The following NEMF variants were observed in gnomAD, a reference collection of about 807,000 sequenced individuals.
The protein encoded by NEMF is ribosome quality control complex subunit NEMF.
A neutral mutation model predicts 162.2 loss-of-function variants in NEMF; 89 were observed. That is an observed-to-expected ratio of 0.55 (90% CI 0.46 to 0.65). The LOEUF is 0.65. NEMF is among the 30% of genes least tolerant of loss of function. The probability of loss-of-function intolerance (pLI) is 0.00; values close to 1 mark genes in which losing one functional copy is unlikely to be tolerated. For missense variants in NEMF, 1,133 were observed against 1,261.9 expected, an observed-to-expected ratio of 0.90 and a Z score of 1.55; for synonymous variants, 421 against 404.5, an observed-to-expected ratio of 1.04 and a Z score of -0.49.
At chr14:49,787,007 G>A in intron 28 of NEMF, 1 of 364,204 alleles carries the variant, frequency 2.7e-6, no homozygotes. Flanking sequence ...TAGAGGAGGT[G>A]GGAACTGAAA....
chr14:49,808,579 A>G, intron 18 of NEMF, among the ~76,000 whole-genome samples: 1 of 152,132 alleles, frequency 6.6e-6, no homozygotes, highest in East Asian at 1.9e-4. Flanking sequence ...AAGATCATAA[A>G]AATTTATGCC....
At chr14:49,794,200 G>A (rs993212290) in intron 26 of NEMF, among the ~76,000 whole-genome samples, 1 of 151,942 alleles carries the variant, frequency 6.6e-6, no homozygotes, top group Admixed American at 6.6e-5. Context: ...CTACCTCATA[G>A]GGAAATCCCT....
intron 16 of NEMF, among the ~76,000 whole-genome samples, chr14:49,819,611 G>A (rs1324147956): frequency 2.6e-5 from 4 of 151,884 alleles, no homozygotes; most frequent in Non-Finnish European, 5.9e-5. Context: ...ACGGGGTTTC[G>A]CCATGTTGCC....
intron 4 of NEMF, among the ~76,000 whole-genome samples, chr14:49,843,632 G>C (rs1412821995): frequency 1.3e-5 from 2 of 152,212 alleles, no homozygotes; most frequent in South Asian, 4.1e-4. Flanking sequence ...CACAAACCTA[G>C]ACGGTGTAGC....
At chr14:49,800,363 A>G in intron 23 of NEMF, 57 bp downstream of exon 23, 3,847 of 696,404 alleles carry the variant, frequency 5.5e-3, no homozygotes, top group Non-Finnish European at 8.2e-3. Context: ...TGTAAGGATT[A>G]CCTCATCATC....
At position 49,799,666 on chromosome 14, in the gene NEMF, T is replaced by C. The variant is rs745626360; in HGVS notation, c.2385A>G (p.Lys795=). Residue 795 remains lysine (K), a synonymous_variant, in exon 24 of 33, where the codon AAA becomes AAG. Transcript: ENST00000298310. ...TAGAAGATTCCTCTTTTGAAGCCAATTTCTGGATGGACCTATGAAAATAAA... is the reference window on the plus strand; with the variant it reads ...TAGAAGATTCCTCTTTTGAAGCCAACTTCTGGATGGACCTATGAAAATAAA... ...SHLQPQRSIQ[K]LASKEESSNS... is the part of the protein sequence containing the mutation. 1 of 1,611,980 alleles carries C rather than the reference T, an allele frequency of 6.2e-7. No homozygotes were observed. The highest frequency in any genetic ancestry group is 8.5e-7 in the Non-Finnish European group (1 of 1,179,266).
At chr14:49,787,735 TAGTG>T (rs1319591906) in intron 28 of NEMF, among the ~76,000 whole-genome samples, 1 of 152,148 alleles carries the variant, frequency 6.6e-6, no homozygotes, top group Non-Finnish European at 1.5e-5. Flanking sequence ...TTAACACCTC[TAGTG>T]AGTATTTGTG....
In NEMF at chr14:49,846,127, A is replaced by T. The variant is rs758933157; in HGVS notation, c.357+13T>A. 11 of 1,608,814 alleles carry T rather than the reference A, an allele frequency of 6.8e-6. No individual in the cohort carries two copies. Among genetic ancestry groups the T allele is most frequent in the Non-Finnish European group, 9.3e-6 (11 of 1,178,070 alleles). On this transcript the variant is annotated intron_variant, in intron 4 of 32. Transcript: ENST00000298310. The stretch of plus-strand genomic sequence containing the variant: ...GAAATTTTCCTTCACCATATCCCAC[A>T]AATTTAACTTACCCTATCATAGAGC...
chr14:49,805,937 C>G, intron 19 of NEMF, 84 bp downstream of exon 19: 1 of 774,698 alleles, frequency 1.3e-6, no homozygotes, highest in Non-Finnish European at 2.1e-6. Context: ...TGAGCCTTGT[C>G]TGCTTTATTT....
intron 11 of NEMF, 141 bp from the exon 12 acceptor site, chr14:49,829,567 A>G: frequency 1.5e-6 from 1 of 683,674 alleles, no homozygotes; most frequent in Non-Finnish European, 2.5e-6. Flanking sequence ...CTACCACCCT[A>G]GGCCTATCCC....
At chr14:49,808,115 C>G (rs1219035088) in intron 18 of NEMF, among the ~76,000 whole-genome samples, 1 of 152,038 alleles carries the variant, frequency 6.6e-6, no homozygotes, top group African/African-American at 2.4e-5. Flanking sequence ...AATATTTTCT[C>G]TTATTCTGTG....
At chr14:49,837,843 A>C (rs1445070343) in intron 6 of NEMF, among the ~76,000 whole-genome samples, 1 of 151,988 alleles carries the variant, frequency 6.6e-6, no homozygotes, top group Admixed American at 6.6e-5. Context: ...ACCAAAAAAA[A>C]ACTAAGCTAA....
chr14:49,835,792 G>A, intron 6 of NEMF, among the ~76,000 whole-genome samples: 1 of 152,094 alleles, frequency 6.6e-6, no homozygotes, highest in Non-Finnish European at 1.5e-5. Flanking sequence ...CTACTAGAAT[G>A]AATAAACAAG....
intron 29 of NEMF, chr14:49,786,419 G>A: frequency 3.0e-6 from 1 of 335,698 alleles, no homozygotes. Context: ...ATATTTGAGT[G>A]TTTGCTATGT....
chr14:49,791,250 G>A (rs752647857), intron 26 of NEMF, among the ~76,000 whole-genome samples: 23 of 152,182 alleles, frequency 1.5e-4, no homozygotes, highest in Admixed American at 3.3e-4. Flanking sequence ...CAGGAGAATC[G>A]CTTGAACCCA....
At position 49,799,618 on chromosome 14, in the gene NEMF, A is replaced by G. The variant is rs1890864147; in HGVS notation, c.2415+18T>C. 6.2e-7 allele frequency: 1 copy of G among 1,606,070 alleles called. No homozygotes were observed. The highest frequency in any genetic ancestry group is 8.5e-7 in the Non-Finnish European group (1 of 1,177,518). On this transcript the variant is annotated intron_variant, in intron 24 of 32. Transcript: ENST00000298310. The stretch of plus-strand genomic sequence containing the variant: ...CACTGAGAATCGGATGTTCTTCATA[A>G]AACTGAAAATAGCTTACAGAATTAG...
chr14:49,844,655 A>T lies in NEMF; in HGVS notation c.357+1485T>A, dbSNP rs569308396. On this transcript the variant is annotated intron_variant, in intron 4 of 32. Coordinates refer to ENST00000298310, the MANE Select transcript of NEMF (RefSeq NM_004713.6). Reference sequence around the variant, plus strand: ...ATTTGTTTTTTATTTTTTAATTTTTAAAAAAATTATGCTTACCTCAGACCA... The same window carrying T: ...ATTTGTTTTTTATTTTTTAATTTTTTAAAAAATTATGCTTACCTCAGACCA... 663 of 160,020 alleles carry T rather than the reference A, an allele frequency of 4.1e-3. 2 individuals carry two copies. The highest frequency in any genetic ancestry group is 7.7e-3 in the Non-Finnish European group (549 of 71,620). The allele number at this position is 160,020 out of a possible 1,614,324, so 9.9% of individuals were successfully genotyped here.
chr14:49,831,761 T>C (rs112631988), intron 10 of NEMF, among the ~76,000 whole-genome samples: 204 of 152,322 alleles, frequency 1.3e-3, no homozygotes, highest in African/African-American at 4.6e-3. Context: ...TTAGATTCCA[T>C]TGTGTTTCAT....
intron 4 of NEMF, among the ~76,000 whole-genome samples, chr14:49,843,484 A>C (rs1893317127): frequency 6.6e-6 from 1 of 151,882 alleles, no homozygotes; most frequent in Admixed American, 6.6e-5. Flanking sequence ...ACAGAGCAAG[A>C]CTCTATCTCA....
Sources: allele counts gnomAD v4.1 joint callset (sites outside exome capture counted in the v4.1 genomes callset), GRCh38; gene constraint gnomAD v4.1.1; transcripts MANE v1.5; gene names NCBI Gene and HGNC (gene_info 2026-07-23, HGNC 2026-07-21).